The following RGS22 variants were observed in gnomAD, a reference collection of about 807,000 sequenced individuals.
RGS22 encodes the protein regulator of G-protein signaling 22.
Under a neutral mutation model 172.9 loss-of-function variants are expected in RGS22, and 148 were observed. That is an observed-to-expected ratio of 0.86 (90% CI 0.75 to 0.98). RGS22 has a LOEUF of 0.98. Among genes scored for constraint, RGS22 ranks in the 50% least tolerant of loss-of-function variants. The probability of loss-of-function intolerance (pLI) is 0.00; values close to 1 mark genes in which losing one functional copy is unlikely to be tolerated. For synonymous variants in RGS22, 458 were observed against 480.2 expected, an observed-to-expected ratio of 0.95 and a Z score of 0.60; for missense variants, 1,347 against 1,440.8, an observed-to-expected ratio of 0.93 and a Z score of 1.05.
At chr8:99,987,401 A>G (rs1357748374) in intron 21 of RGS22, 57 bp downstream of exon 21, 20 of 1,349,608 alleles carry the variant, frequency 1.5e-5, no homozygotes, top group Non-Finnish European at 2.0e-5. Context: ...AAAATCTGAC[A>G]TTTTAATGCA....
chr8:99,984,357 C>T (rs1458916774), intron 21 of RGS22, among the ~76,000 whole-genome samples: 1 of 152,106 alleles, frequency 6.6e-6, no homozygotes, highest in Non-Finnish European at 1.5e-5. Flanking sequence ...GAATATAAGG[C>T]TTGTGAAATA....
chr8:100,058,215 C>A (rs1809810783), intron 9 of RGS22, among the ~76,000 whole-genome samples: 1 of 150,094 alleles, frequency 6.7e-6, no homozygotes, highest in Admixed American at 6.6e-5. Context: ...CCTAAACAGT[C>A]TCAAAAGGGC....
intron 9 of RGS22, among the ~76,000 whole-genome samples, chr8:100,060,372 A>C (rs1336014397): frequency 3.5e-5 from 5 of 141,546 alleles, no homozygotes; most frequent in Non-Finnish European, 7.8e-5. Flanking sequence ...AAAGTTTATT[A>C]AGATGATAAA....
intron 10 of RGS22, among the ~76,000 whole-genome samples, chr8:100,051,613 T>TA (rs1821381967): frequency 7.1e-5 from 1 of 14,140 alleles, no homozygotes; most frequent in African/African-American, 2.5e-4. Context: ...TTATATATGT[T>TA]TATACATATA....
intron 14 of RGS22, among the ~76,000 whole-genome samples, chr8:100,009,963 G>A (rs1030115554): frequency 6.6e-6 from 1 of 151,984 alleles, no homozygotes; most frequent in Non-Finnish European, 1.5e-5. Context: ...AATACAGGAC[G>A]GTAAGTGCTA....
At chr8:100,049,417 A>G (rs1312173314) in intron 10 of RGS22, among the ~76,000 whole-genome samples, 2 of 152,184 alleles carry the variant, frequency 1.3e-5, no homozygotes, top group Non-Finnish European at 2.9e-5. Context: ...GATAACACCA[A>G]TGACAGCATA....
chr8:100,096,205 T>C (rs1308930838), intron 2 of RGS22, among the ~76,000 whole-genome samples: 1 of 152,208 alleles, frequency 6.6e-6, no homozygotes, highest in Non-Finnish European at 1.5e-5. Flanking sequence ...CTTGGCTATA[T>C]TAAAATGCTC....
chr8:100,034,169 G>C (rs984650315), intron 14 of RGS22, among the ~76,000 whole-genome samples: 15 of 152,100 alleles, frequency 9.9e-5, no homozygotes, highest in Admixed American at 3.9e-4. Flanking sequence ...AAGAGGAAGT[G>C]AAATTGTCCC....
chr8:99,969,374 C>T (rs1811088497), intron 23 of RGS22, among the ~76,000 whole-genome samples: 1 of 152,134 alleles, frequency 6.6e-6, no homozygotes, highest in Admixed American at 6.5e-5. Flanking sequence ...ATGACAGGAT[C>T]AAATTCACAC....
chr8:100,012,364 A>G (rs978706241), intron 14 of RGS22, among the ~76,000 whole-genome samples: 5 of 152,210 alleles, frequency 3.3e-5, no homozygotes, highest in Non-Finnish European at 7.3e-5. Flanking sequence ...GAGTATATAA[A>G]TAAGAGATGA....
At chr8:100,005,978 G>T in intron 16 of RGS22, 39 bp downstream of exon 16, 7 of 1,511,206 alleles carry the variant, frequency 4.6e-6, no homozygotes, top group Non-Finnish European at 6.4e-6. Flanking sequence ...CCCTCTCCAG[G>T]ATAAAAAGTT....
Position 100,008,408 on chromosome 8 carries a change from C to A in RGS22, c.2328G>T (p.Lys776Asn), listed in dbSNP as rs1486672195. The A allele has an allele frequency of 1.9e-6, 3 of 1,611,720 alleles. No homozygotes were observed. The highest frequency in any genetic ancestry group is 1.7e-5 in the Admixed American group (1 of 59,294). ...ILLLLLEPWT[K>N]MVKSDQIAYK... ...AAGCAATTTGGTCCGATTTTACCAT[C>A]TTTGTCCATGGCTCAAGAAGGAGGA... is the stretch of plus-strand genomic sequence containing the variant. Residue 776 changes from lysine to asparagine, a missense_variant, in exon 15 of 28, where the codon AAG becomes AAT. Physicochemically the swap from Lys to Asn is moderately conservative, Grantham distance 94. Coordinates refer to ENST00000360863, the MANE Select transcript of RGS22 (RefSeq NM_015668.5).
Position 99,999,402 on chromosome 8 carries a change from C to T in RGS22, c.2809G>A (p.Gly937Ser). ...TGCTCATGAAGAATCTTCCCCCAGCCACCACTTAAATGCATTACCTAAGAA... is the reference window on the plus strand; with the variant it reads ...TGCTCATGAAGAATCTTCCCCCAGCTACCACTTAAATGCATTACCTAAGAA... ...QQNQVMHLSGGWGKILHEQLD... is the reference protein window; with the variant it reads ...QQNQVMHLSGSWGKILHEQLD... The change falls in exon 19 of 28, where the codon GGC (glycine) becomes AGC (serine). Residue 937 changes from glycine (G) to serine (S), a missense_variant. Transcript: ENST00000360863. The T allele has an allele frequency of 6.2e-7, 1 of 1,613,692 alleles. No individual in the cohort carries two copies. Among genetic ancestry groups the T allele is most frequent in the South Asian group, 1.1e-5 (1 of 90,982 alleles).
At chr8:100,080,067 G>C in intron 4 of RGS22, 67 bp downstream of exon 4, 2 of 1,132,288 alleles carry the variant, frequency 1.8e-6, no homozygotes, top group South Asian at 2.9e-5. Flanking sequence ...GGAAGCCTAA[G>C]TAAACTCATG....
At chr8:99,982,871 T>C (rs1270564691) in intron 21 of RGS22, among the ~76,000 whole-genome samples, 3 of 152,198 alleles carry the variant, frequency 2.0e-5, no homozygotes, top group Non-Finnish European at 2.9e-5. Context: ...TATGGGAATA[T>C]TACGTGATGC....
intron 2 of RGS22, 49 bp downstream of exon 2, chr8:100,105,325 A>AT (rs747940063): frequency 1.4e-6 from 2 of 1,428,032 alleles, no homozygotes; most frequent in South Asian, 1.2e-5. Context: ...AATATTTGCT[A>AT]TTTTTTTAAA....
At chr8:100,001,704 T>C (rs1815109049) in intron 18 of RGS22, among the ~76,000 whole-genome samples, 1 of 152,212 alleles carries the variant, frequency 6.6e-6, no homozygotes, top group Non-Finnish European at 1.5e-5. Context: ...TTTCTTTCTT[T>C]TATAATATTT....
chr8:100,018,763 T>A (rs1161032498), intron 14 of RGS22, among the ~76,000 whole-genome samples: 4 of 152,206 alleles, frequency 2.6e-5, no homozygotes, highest in Non-Finnish European at 4.4e-5. Context: ...CATGCAAGAT[T>A]TCCGCACCAC....
chr8:100,099,251 A>G (rs1813276486), intron 2 of RGS22, among the ~76,000 whole-genome samples: 1 of 152,034 alleles, frequency 6.6e-6, no homozygotes, highest in South Asian at 2.1e-4. Context: ...ATCCAATCCA[A>G]TACTTCGAAT....
Sources: allele counts gnomAD v4.1 joint callset (sites outside exome capture counted in the v4.1 genomes callset), GRCh38; gene constraint gnomAD v4.1.1; transcripts MANE v1.5; gene names NCBI Gene and HGNC (gene_info 2026-07-23, HGNC 2026-07-21).